EYS: variants seen among roughly 807,000 people sequenced by gnomAD.
The protein encoded by EYS is protein eyes shut homolog.
EYS carries 250 observed loss-of-function variants against 282.1 expected under a neutral mutation model. That is an observed-to-expected ratio of 0.89 (90% CI 0.80 to 0.98). EYS has a LOEUF of 0.98. EYS is among the 50% of genes least tolerant of loss of function. The pLI is 0.00. For missense variants in EYS, 4,016 were observed against 3,709.0 expected, an observed-to-expected ratio of 1.08 and a Z score of -2.15; for synonymous variants, 1,355 against 1,282.9, an observed-to-expected ratio of 1.06 and a Z score of -1.20.
Position 64,590,355 on chromosome 6 carries a change from A to G in EYS, c.5512T>C (p.Ser1838Pro). 1 of 1,551,298 alleles carries G rather than the reference A, an allele frequency of 6.4e-7. No homozygotes were observed. Among genetic ancestry groups the G allele is most frequent in the Non-Finnish European group, 8.7e-7 (1 of 1,146,704 alleles). Residue 1838 changes from serine to proline, a missense_variant, in exon 26 of 43, where the codon TCC (serine) becomes CCC (proline). Coordinates refer to ENST00000503581, the MANE Select transcript of EYS (RefSeq NM_001142800.2). ...KKEVKTSSEW[S>P]KWELQPSVQY... Reference sequence around the variant, plus strand: ...ACACTAGGCTGAAGTTCCCATTTGGACCATTCTGAAGAAGTCTTGACCTCT... The same window carrying G: ...ACACTAGGCTGAAGTTCCCATTTGGGCCATTCTGAAGAAGTCTTGACCTCT...
chr6:64,650,321 CACATTAATTTA>C (rs1768513325), intron 22 of EYS, among the ~76,000 whole-genome samples: 1 of 150,940 alleles, frequency 6.6e-6, no homozygotes, highest in African/African-American at 2.5e-5. Flanking sequence ...AAAGTGGTAA[CACATTAATTTA>C]ACATTAATTT....
intron 31 of EYS, among the ~76,000 whole-genome samples, chr6:64,092,472 T>C (rs2084457365): frequency 6.6e-6 from 1 of 151,836 alleles, no homozygotes; most frequent in East Asian, 1.9e-4. Context: ...TATCTCATTG[T>C]GGTTTTGATT....
intron 5 of EYS, chr6:65,490,181 T>C (rs998247628): frequency 2.6e-5 from 4 of 154,184 alleles, no homozygotes; most frequent in Non-Finnish European, 4.3e-5. Context: ...TGTAATAATA[T>C]CTTCCTTTAG....
At chr6:64,344,381 T>C (rs1250460564) in intron 29 of EYS, among the ~76,000 whole-genome samples, 1 of 151,948 alleles carries the variant, frequency 6.6e-6, no homozygotes, top group African/African-American at 2.4e-5. Context: ...GCTTCATCCC[T>C]GGGATGCAAG....
chr6:64,248,215 GTGTGTA>G (rs1767081457), intron 30 of EYS, among the ~76,000 whole-genome samples: 1 of 140,152 alleles, frequency 7.1e-6, no homozygotes, highest in African/African-American at 2.5e-5. Flanking sequence ...GTGTGTGTGT[GTGTGTA>G]TAGGTGCGTC....
At chr6:64,324,705 A>G (rs372115442) in intron 29 of EYS, among the ~76,000 whole-genome samples, 59 of 152,312 alleles carry the variant, frequency 3.9e-4, no homozygotes, top group African/African-American at 1.4e-3. Context: ...GGGACTGTAT[A>G]TTTAGAAAAC....
At chr6:64,673,856 T>C (rs191403353) in intron 22 of EYS, among the ~76,000 whole-genome samples, 1 of 152,120 alleles carries the variant, frequency 6.6e-6, no homozygotes, top group East Asian at 1.9e-4. Context: ...GTTAAATAAA[T>C]AGAAACCTGT....
chr6:63,720,750 C>T lies in EYS; in HGVS notation c.9281G>A (p.Arg3094Lys), dbSNP rs556456611. The T allele has an allele frequency of 2.6e-6, 4 of 1,550,344 alleles. No homozygotes were observed. The African/African-American group carries it at 5.5e-5, about 21-fold the overall frequency. The change falls in exon 43 of 43, where the codon AGA becomes AAA. Residue 3094 changes from arginine to lysine, a missense_variant. Physicochemically the swap from Arg to Lys is conservative, Grantham distance 26 (BLOSUM62 2). Transcript: ENST00000503581. ...ICYLGGFEYG[R>K]KVNIVTQEIF... ...CTCTTGAGTAACGATATTTACCTTT[C>T]TACCATATTCAAAGCCCCCTAGATA... is the stretch of plus-strand genomic sequence containing the variant.
chr6:65,704,679 T>A (rs1008760605), intron 1 of EYS, among the ~76,000 whole-genome samples: 1 of 152,214 alleles, frequency 6.6e-6, no homozygotes, highest in Non-Finnish European at 1.5e-5. Flanking sequence ...AGACACCTTC[T>A]ATTCATCAGA....
At chr6:65,029,556 C>T (rs1330862991) in intron 13 of EYS, among the ~76,000 whole-genome samples, 1 of 152,008 alleles carries the variant, frequency 6.6e-6, no homozygotes, top group East Asian at 1.9e-4. Context: ...CCTGCCTCCC[C>T]TTCTAATTCC....
At chr6:65,036,811 A>G (rs1030726902) in intron 13 of EYS, among the ~76,000 whole-genome samples, 1 of 151,972 alleles carries the variant, frequency 6.6e-6, no homozygotes, top group East Asian at 1.9e-4. Flanking sequence ...AAAAAATAAC[A>G]GATGTCGGTG....
chr6:65,397,799 T>C (rs1026908194), intron 7 of EYS, among the ~76,000 whole-genome samples: 2 of 152,036 alleles, frequency 1.3e-5, no homozygotes, highest in Admixed American at 1.3e-4. Flanking sequence ...GATAAAATGG[T>C]AATTCTATTT....
intron 1 of EYS, among the ~76,000 whole-genome samples, chr6:65,642,746 C>T (rs1767321844): frequency 1.3e-5 from 2 of 152,130 alleles, no homozygotes; most frequent in Admixed American, 1.3e-4. Context: ...TCTTACAAGA[C>T]CTGCAGTGAT....
At chr6:64,546,688 A>T (rs1189208816) in intron 26 of EYS, among the ~76,000 whole-genome samples, 3 of 152,190 alleles carry the variant, frequency 2.0e-5, no homozygotes, top group Non-Finnish European at 4.4e-5. Flanking sequence ...AAAAACAAAC[A>T]ACCCCATCAA....
At chr6:63,975,129 A>G (rs956606067) in intron 35 of EYS, among the ~76,000 whole-genome samples, 3 of 151,954 alleles carry the variant, frequency 2.0e-5, no homozygotes, top group Non-Finnish European at 4.4e-5. Context: ...AAGATAAACA[A>G]TAGAAATTGT....
intron 29 of EYS, among the ~76,000 whole-genome samples, chr6:64,355,115 A>G (rs1922945): frequency 0.72 from 108,634 of 151,412 alleles, 39,180 homozygotes; most frequent in African/African-American, 0.79. Context: ...TAATGTGCAT[A>G]CTATATCAAT....
At chr6:65,674,450 CAAAAAA>C (rs56958605) in intron 1 of EYS, among the ~76,000 whole-genome samples, 1 of 34,760 alleles carries the variant, frequency 2.9e-5, no homozygotes, top group African/African-American at 1.0e-4. Context: ...GACTCCGTCT[CAAAAAA>C]AAAAAAAAAA....
chr6:65,609,897 C>A (rs2149794384), intron 2 of EYS, among the ~76,000 whole-genome samples: 1 of 152,102 alleles, frequency 6.6e-6, no homozygotes, highest in East Asian at 1.9e-4. Flanking sequence ...TTGTGTTTCA[C>A]CTTTTGAGAT....
chr6:65,541,513 T>C lies in EYS; in HGVS notation c.-332-45520A>G, dbSNP rs533417805. Among the ~76,000 whole-genome samples, 25 of 152,330 alleles carry C rather than the reference T, an allele frequency of 1.6e-4. 1 individual carries two copies. Among genetic ancestry groups the C allele is most frequent in the African/African-American group, 6.0e-4 (25 of 41,588 alleles). Reference sequence around the variant, plus strand: ...TCAAAATCACAACAATGTTATCCATTATTTTGTTATAATCCAGACTATATT... The same window carrying C: ...TCAAAATCACAACAATGTTATCCATCATTTTGTTATAATCCAGACTATATT... On this transcript the variant is annotated intron_variant, in intron 2 of 42. Coordinates refer to ENST00000503581, the MANE Select transcript of EYS (RefSeq NM_001142800.2).
Sources: gnomAD v4.1 joint callset for allele counts (sites outside exome capture counted in the v4.1 genomes callset) on GRCh38, gnomAD v4.1.1 for gene constraint, MANE v1.5 for transcripts, NCBI Gene and HGNC (gene_info 2026-07-23, HGNC 2026-07-21) for gene names.